Variants in GRIK4 observed in about 807,000 individuals in gnomAD.
GRIK4 encodes glutamate ionotropic receptor kainate type subunit 4, also known as glutamate receptor ionotropic, kainate 4.
In GRIK4, 40 loss-of-function variants were observed where a neutral mutation model predicts 104.9. That is an observed-to-expected ratio of 0.38 (90% CI 0.30 to 0.50). The LOEUF is 0.50. Among genes scored for constraint, GRIK4 ranks in the 20% least tolerant of loss-of-function variants. The pLI, the probability that GRIK4 is intolerant of heterozygous loss-of-function variation, is 0.93. For synonymous variants in GRIK4, 485 were observed against 524.9 expected (o/e 0.92, Z 1.04); for missense variants, 1,047 against 1,308.1 (o/e 0.80, Z 3.08).
intron 19 of GRIK4, among the ~76,000 whole-genome samples, chr11:120,968,319 C>G (rs1845678492): frequency 6.6e-6 from 1 of 152,178 alleles, no homozygotes. Flanking sequence ...TGTTCATTCT[C>G]AAAGTGTCCT....
chr11:120,933,772 G>C (rs1246830127), intron 13 of GRIK4, among the ~76,000 whole-genome samples: 1 of 152,200 alleles, frequency 6.6e-6, no homozygotes, highest in Admixed American at 6.5e-5. Flanking sequence ...CCAGAGAAGG[G>C]AAGTAAATTG....
chr11:120,653,235 G>T (rs962884003), intron 1 of GRIK4, among the ~76,000 whole-genome samples: 2 of 152,222 alleles, frequency 1.3e-5, no homozygotes, highest in Non-Finnish European at 2.9e-5. Context: ...TGGAACCAGG[G>T]GGCCAGTCTC....
At chr11:120,701,799 G>C (rs1223936784) in intron 3 of GRIK4, among the ~76,000 whole-genome samples, 1 of 152,180 alleles carries the variant, frequency 6.6e-6, no homozygotes, top group African/African-American at 2.4e-5. Flanking sequence ...CCAGGTGAGA[G>C]AGGTTGCTGG....
chr11:120,712,685 C>T (rs1054007184), intron 3 of GRIK4, among the ~76,000 whole-genome samples: 2 of 151,998 alleles, frequency 1.3e-5, no homozygotes, highest in South Asian at 2.1e-4. Flanking sequence ...ACTGCCTGGT[C>T]GTCAGTTTTT....
chr11:120,857,807 T>A (rs904404464), intron 8 of GRIK4, among the ~76,000 whole-genome samples: 2 of 152,190 alleles, frequency 1.3e-5, no homozygotes, highest in African/African-American at 4.8e-5. Flanking sequence ...AGATGCAGTG[T>A]GAACTTCAAA....
chr11:120,736,196 C>T (rs1343671607), intron 3 of GRIK4, among the ~76,000 whole-genome samples: 3 of 152,126 alleles, frequency 2.0e-5, no homozygotes, highest in Non-Finnish European at 2.9e-5. Flanking sequence ...GTAGCAGGTT[C>T]CCTTCTGGGC....
chr11:120,614,692 G>C (rs1275829406), intron 1 of GRIK4, among the ~76,000 whole-genome samples: 1 of 152,144 alleles, frequency 6.6e-6, no homozygotes, highest in Non-Finnish European at 1.5e-5. Context: ...CACTGGCAGT[G>C]ATCTGATTTA....
At chr11:120,556,357 C>G (rs1237730820) in intron 1 of GRIK4, among the ~76,000 whole-genome samples, 1 of 152,156 alleles carries the variant, frequency 6.6e-6, no homozygotes, top group African/African-American at 2.4e-5. Context: ...TCATCCAGAC[C>G]ACCTGTCCTC....
chr11:120,536,639 C>G (rs933066062), intron 1 of GRIK4, among the ~76,000 whole-genome samples: 2 of 152,094 alleles, frequency 1.3e-5, no homozygotes, highest in Non-Finnish European at 2.9e-5. Flanking sequence ...TGGGCCTGTT[C>G]TGGTTGACGT....
intron 1 of GRIK4, among the ~76,000 whole-genome samples, chr11:120,652,268 C>T (rs1199849095): frequency 1.3e-5 from 2 of 152,240 alleles, no homozygotes; most frequent in African/African-American, 2.4e-5. Context: ...TAGAGATCAT[C>T]TAGTCTAATT....
At chr11:120,776,849 C>T (rs1383377859) in intron 3 of GRIK4, among the ~76,000 whole-genome samples, 2 of 152,222 alleles carry the variant, frequency 1.3e-5, no homozygotes, top group Non-Finnish European at 2.9e-5. Flanking sequence ...AGCAGGGCAG[C>T]CGGCTCTCCG....
At chr11:120,977,919 C>T (rs889416122) in intron 19 of GRIK4, among the ~76,000 whole-genome samples, 1 of 152,186 alleles carries the variant, frequency 6.6e-6, no homozygotes, top group African/African-American at 2.4e-5. Flanking sequence ...TTAGCCATCA[C>T]TCAGTACAGT....
intron 3 of GRIK4, among the ~76,000 whole-genome samples, chr11:120,670,081 C>G (rs1949989049): frequency 6.6e-6 from 1 of 152,186 alleles, no homozygotes; most frequent in Admixed American, 6.5e-5. Context: ...CATCCTTGGT[C>G]TCATCTTTCT....
At chr11:120,696,679 G>A (rs1950454162) in intron 3 of GRIK4, among the ~76,000 whole-genome samples, 1 of 152,102 alleles carries the variant, frequency 6.6e-6, no homozygotes, top group Non-Finnish European at 1.5e-5. Context: ...GGTGCCACAG[G>A]CCAGGTGAGA....
intron 1 of GRIK4, among the ~76,000 whole-genome samples, chr11:120,514,735 G>C (rs1352729713): frequency 2.0e-5 from 3 of 152,138 alleles, no homozygotes; most frequent in African/African-American, 7.2e-5. Context: ...GGAAAGAACG[G>C]CTGGGTTCCC....
At chr11:120,718,056 C>G (rs911406328) in intron 3 of GRIK4, among the ~76,000 whole-genome samples, 4 of 152,316 alleles carry the variant, frequency 2.6e-5, no homozygotes, top group Admixed American at 2.6e-4. Context: ...AGACACAACA[C>G]CTGATTCCAG....
intron 11 of GRIK4, among the ~76,000 whole-genome samples, chr11:120,881,030 C>CTCAGGCAGCGGT (rs1163299150): frequency 6.6e-6 from 1 of 152,062 alleles, no homozygotes; most frequent in Non-Finnish European, 1.5e-5. Context: ...TTTTTCCTTT[C>CTCAGGCAGCGGT]TCAGGCAGCG....
At chr11:120,563,586 G>T (rs1948267701) in intron 1 of GRIK4, among the ~76,000 whole-genome samples, 1 of 152,172 alleles carries the variant, frequency 6.6e-6, no homozygotes, top group African/African-American at 2.4e-5. Context: ...GGCAGCAGCA[G>T]CCAGCCCTGT....
At chr11:120,758,906 C>T (rs985751721) in intron 3 of GRIK4, among the ~76,000 whole-genome samples, 4 of 152,182 alleles carry the variant, frequency 2.6e-5, no homozygotes, top group African/African-American at 9.7e-5. Flanking sequence ...AGGCACTGTG[C>T]TAGGCACTGG....
Sources: allele counts gnomAD v4.1 joint callset (sites outside exome capture counted in the v4.1 genomes callset), GRCh38; gene constraint gnomAD v4.1.1; transcripts MANE v1.5; gene names NCBI Gene and HGNC (gene_info 2026-07-23, HGNC 2026-07-21).